Variants in UNC5CL observed in about 807,000 individuals in gnomAD.
The protein encoded by UNC5CL is unc-5 family C-terminal like.
UNC5CL carries 42 observed loss-of-function variants against 54.1 expected under a neutral mutation model. The ratio of observed to expected loss-of-function variants is 0.78; its 90% CI spans 0.61 to 1.00. The LOEUF (loss-of-function observed/expected upper bound fraction) is 1.00. Ranked by LOEUF, UNC5CL falls within the 50% of genes least tolerant of loss-of-function variation. The pLI, the probability that UNC5CL is intolerant of heterozygous loss-of-function variation, is 0.00. For missense variants in UNC5CL, 619 were observed against 675.6 expected (o/e 0.92, Z 0.93); for synonymous variants, 285 against 285.1 (o/e 1.00, Z 0.00).
intron 2 of UNC5CL, among the ~76,000 whole-genome samples, chr6:41,034,477 G>A (rs1302255142): frequency 1.3e-5 from 2 of 152,218 alleles, no homozygotes; most frequent in Non-Finnish European, 1.5e-5. Flanking sequence ...ACAGCATACT[G>A]ATTCATTAGA....
Position 41,034,794 on chromosome 6 carries a change from C to A in UNC5CL, c.281G>T (p.Arg94Leu), listed in dbSNP as rs1238104160. ...HTPTQGQTMV[R>L]QLMHKLLVFS... ...CACCAACAGTTTGTGCATCAACTGG[C>A]GGACCATGGTCTGGCCTTGAGTGGG... The change falls in exon 2 of 9, where the codon CGC becomes CTC. Residue 94 changes from arginine (R) to leucine (L), a missense_variant. By Grantham distance (102) the Arg-to-Leu change is moderately radical. Coordinates refer to ENST00000244565, the MANE Select transcript of UNC5CL (RefSeq NM_173561.3). 3 of 1,614,166 alleles carry A rather than the reference C, an allele frequency of 1.9e-6. No homozygotes were observed. Among genetic ancestry groups the A allele is most frequent in the South Asian group, 1.1e-5 (1 of 91,086 alleles).
Position 41,032,893 on chromosome 6 carries a change from T to C in UNC5CL, c.940A>G (p.Ile314Val). ...RGDQCLKLTY[I>V]SEGWENVDDS... ...CCACTGCCTCCCTCACCCTCTGAGA[T>C]GTACGTGAGCTTCAGGCACTGGTCG... is the stretch of plus-strand genomic sequence containing the variant. The change falls in exon 4 of 9, where the codon ATC (isoleucine) becomes GTC (valine). Residue 314 changes from isoleucine (I) to valine (V), a missense_variant. Coordinates refer to ENST00000244565, the MANE Select transcript of UNC5CL (RefSeq NM_173561.3). The C allele has an allele frequency of 6.2e-7, 1 of 1,601,760 alleles. No individual in the cohort carries two copies. Among genetic ancestry groups the C allele is most frequent in the African/African-American group, 1.3e-5 (1 of 74,894 alleles).
intron 2 of UNC5CL, among the ~76,000 whole-genome samples, chr6:41,034,423 A>G (rs1270170446): frequency 2.0e-5 from 3 of 152,156 alleles, no homozygotes; most frequent in Non-Finnish European, 4.4e-5. Context: ...GCCTTGTGTG[A>G]ATTTGCAAAT....
chr6:41,031,930 A>C (rs923061423), intron 5 of UNC5CL, 106 bp downstream of exon 5: 37 of 1,298,866 alleles, frequency 2.8e-5, no homozygotes, highest in African/African-American at 5.8e-5. Flanking sequence ...GTCTGTGTGC[A>C]TGGCTGCATG....
At chr6:41,030,787 G>C in intron 6 of UNC5CL, 32 bp from the exon 7 acceptor site, 1 of 1,600,894 alleles carries the variant, frequency 6.2e-7, no homozygotes, top group South Asian at 1.1e-5. Context: ...AACACACTTA[G>C]GGGTCACAAG....
chr6:41,034,275 G>A lies in UNC5CL; in HGVS notation c.386-94C>T, dbSNP rs554848229. 2.1e-6 allele frequency: 3 copies of A among 1,413,262 alleles called. No individual in the cohort carries two copies. The African/African-American group carries it at 4.3e-5, about 20-fold the overall frequency. 87.5% of individuals were successfully genotyped at this position (1,413,262 alleles called of 1,614,324 possible). The stretch of plus-strand genomic sequence containing the variant: ...GGCCAGAGAGAAAGGAGGTGGGGCA[G>A]GAGCCCAGGAGAGACCCCCAGCAGG... On this transcript the variant is annotated intron_variant, in intron 2 of 8. Transcript: ENST00000244565.
chr6:41,032,841 G>A, intron 4 of UNC5CL, 43 bp downstream of exon 4: 1 of 1,529,948 alleles, frequency 6.5e-7, no homozygotes, highest in Non-Finnish European at 8.8e-7. Context: ...CATTCCTGTG[G>A]GGCTCCCGAT....
intron 5 of UNC5CL, 98 bp downstream of exon 5, chr6:41,031,938 A>G (rs1581975984): frequency 1.5e-6 from 2 of 1,332,826 alleles, no homozygotes; most frequent in Non-Finnish European, 2.1e-6. Context: ...GCATGGCTGC[A>G]TGGGGGTCTG....
intron 1 of UNC5CL, among the ~76,000 whole-genome samples, chr6:41,038,317 A>G (rs1762545753): frequency 6.6e-6 from 1 of 152,122 alleles, no homozygotes; most frequent in Non-Finnish European, 1.5e-5. Context: ...AAAGGGATGA[A>G]AGGAGGGGCC....
In UNC5CL at chr6:41,033,944, G is replaced by A; in HGVS notation, c.623C>T (p.Pro208Leu). ...TTLLDAKVWRPLGRPGAHASR... is the reference protein window; with the variant it reads ...TTLLDAKVWRLLGRPGAHASR... ...GGCGTGGGCCCCCGGCCGCCCCAGG[G>A]GCCTCCATACCTTGGCATCCAGCAG... Residue 208 changes from proline (P) to leucine (L), a missense_variant, in exon 3 of 9, where the codon CCC becomes CTC. By Grantham distance (98) the Pro-to-Leu change is moderately conservative (BLOSUM62 -3). Coordinates refer to ENST00000244565, the MANE Select transcript of UNC5CL (RefSeq NM_173561.3). 6.2e-7 allele frequency: 1 copy of A among 1,614,054 alleles called. No homozygotes were observed. Among genetic ancestry groups the A allele is most frequent in the Non-Finnish European group, 8.5e-7 (1 of 1,179,980 alleles).
At chr6:41,033,745 A>G in intron 3 of UNC5CL, 136 bp downstream of exon 3, 1 of 1,018,126 alleles carries the variant, frequency 9.8e-7, no homozygotes, top group Non-Finnish European at 1.4e-6. Context: ...GGCCAGAAAG[A>G]GACACCAGGG....
At chr6:41,030,573 C>T in intron 7 of UNC5CL, 72 bp from the exon 8 acceptor site, 6 of 1,610,736 alleles carry the variant, frequency 3.7e-6, no homozygotes, top group Non-Finnish European at 5.1e-6. Flanking sequence ...CATATGCACC[C>T]TAAATGCTGT....
At chr6:41,030,364 C>T in intron 8 of UNC5CL, 24 bp downstream of exon 8, 1 of 1,612,166 alleles carries the variant, frequency 6.2e-7, no homozygotes, top group South Asian at 1.1e-5. Flanking sequence ...CTCTACCATC[C>T]ACAGACCTCA....
chr6:41,035,251 G>A (rs1762511071), intron 1 of UNC5CL, 116 bp from the exon 2 acceptor site: 2 of 706,810 alleles, frequency 2.8e-6, no homozygotes, highest in East Asian at 5.5e-5. Flanking sequence ...GCACACTTTA[G>A]TCACACCAAT....
Position 41,028,326 on chromosome 6 carries a change from C to A in UNC5CL, c.*47G>T. ...TGTGTTCCTCTTAGGCGTAGGAGAACAACCCCTCTCGCCCCTACACCTCCT... is the reference window on the plus strand; with the variant it reads ...TGTGTTCCTCTTAGGCGTAGGAGAAAAACCCCTCTCGCCCCTACACCTCCT... On this transcript the variant is annotated 3_prime_UTR_variant, in exon 9 of 9. Coordinates refer to ENST00000244565, the MANE Select transcript of UNC5CL (RefSeq NM_173561.3). The surrounding 1 kb of genome is among the most constrained non-coding windows in gnomAD (Gnocchi z 4.3). 6.7e-7 allele frequency: 1 copy of A among 1,489,222 alleles called. No homozygotes were observed. The highest frequency in any genetic ancestry group is 9.0e-7 in the Non-Finnish European group (1 of 1,114,276). 92.3% of individuals were successfully genotyped at this position (1,489,222 alleles called of 1,614,324 possible).
In UNC5CL at chr6:41,034,893, T is replaced by G. The variant is rs1370906504; in HGVS notation, c.182A>C (p.Glu61Ala). 2 of 1,614,238 alleles carry G rather than the reference T, an allele frequency of 1.2e-6. No individual in the cohort carries two copies. Among genetic ancestry groups the G allele is most frequent in the Non-Finnish European group, 8.5e-7 (1 of 1,180,050 alleles). ...CAGGTGCTGCCTTGAGACCTCATTT[T>G]CTAGTTGGGGGGTAGGCTGGGACAC... ...EPVSQPTPQL[E>A]NEVSRQHLPA... Residue 61 changes from glutamate to alanine, a missense_variant, in exon 2 of 9, where the codon GAA becomes GCA. Physicochemically the swap from Glu to Ala is moderately radical, Grantham distance 107 (BLOSUM62 -1). Transcript: ENST00000244565.
Position 41,028,463 on chromosome 6 carries a change from GT to G in UNC5CL, c.1466del (p.Asn489ThrfsTer3). On this transcript the variant is annotated frameshift_variant, in exon 9 of 9. Coordinates refer to ENST00000244565, the MANE Select transcript of UNC5CL (RefSeq NM_173561.3). LOFTEE classifies it high-confidence loss of function. The surrounding 1 kb of genome is among the most constrained non-coding windows in gnomAD (Gnocchi z 4.3). Reference sequence around the variant, plus strand: ...TGCCGCCGTGTGTCCCACTCAGGTAGTTCTGGATGGCGGAGGCGCAGTCTAG... The same window carrying G: ...TGCCGCCGTGTGTCCCACTCAGGTAGTCTGGATGGCGGAGGCGCAGTCTAG... Reference protein sequence around the residue: ...ERLDCASAIQNYLSGTHGGSP... With the variant: ...ERLDCASAIQXYLSGTHGGSP... 6.2e-7 allele frequency: 1 copy of G among 1,613,856 alleles called. No homozygotes were observed. The highest frequency in any genetic ancestry group is 8.5e-7 in the Non-Finnish European group (1 of 1,179,984).
Position 41,027,384 on chromosome 6 carries a change from G to C in UNC5CL, c.*989C>G, listed in dbSNP as rs1316301000. 1 of 152,306 alleles carries C rather than the reference G, an allele frequency of 6.6e-6. No homozygotes were observed. The highest frequency in any genetic ancestry group is 1.5e-5 in the Non-Finnish European group (1 of 68,088). 9.4% of individuals were successfully genotyped at this position (152,306 alleles called of 1,614,324 possible). A position where few individuals can be genotyped will look rare whatever the true frequency, so the allele number is the denominator to read the frequency against. On this transcript the variant is annotated 3_prime_UTR_variant, in exon 9 of 9. Transcript: ENST00000244565. Reference sequence around the variant, plus strand: ...CAAAAAGATCTAAGACAGAGAGAGAGAGTAACTGAAACACAGGTGCAGAGC... The same window carrying C: ...CAAAAAGATCTAAGACAGAGAGAGACAGTAACTGAAACACAGGTGCAGAGC...
At chr6:41,030,345 C>T (rs1762438083) in intron 8 of UNC5CL, 43 bp downstream of exon 8, 3 of 1,596,330 alleles carry the variant, frequency 1.9e-6, no homozygotes, top group South Asian at 1.1e-5. Flanking sequence ...CCCATTCCAG[C>T]CCACCCTCCT....
Sources: gnomAD v4.1 joint callset for allele counts (sites outside exome capture counted in the v4.1 genomes callset) on GRCh38, gnomAD v4.1.1 for gene constraint, Gnocchi (gnomAD v3.1) non-coding constraint, MANE v1.5 for transcripts, NCBI Gene and HGNC (gene_info 2026-07-23, HGNC 2026-07-21) for gene names.